The following ADAM28 variants were observed in gnomAD, a reference collection of about 807,000 sequenced individuals.
ADAM28 encodes ADAM metallopeptidase domain 28, also known as disintegrin and metalloproteinase domain-containing protein 28.
Under a neutral mutation model 101.2 loss-of-function variants are expected in ADAM28, and 105 were observed. The ratio of observed to expected loss-of-function variants is 1.04; its 90% confidence interval spans 0.89 to 1.22. ADAM28 has a LOEUF of 1.22. Ranked by LOEUF, ADAM28 falls within the 50% of genes most tolerant of loss-of-function variation. ADAM28 has a pLI of 0.00. For missense variants in ADAM28, 1,028 were observed against 945.4 expected (o/e 1.09, Z -1.15); for synonymous variants, 322 against 310.6 (o/e 1.04, Z -0.39).
chr8:24,303,445 G>A (rs1406446620), intron 2 of ADAM28, among the ~76,000 whole-genome samples: 1 of 151,956 alleles, frequency 6.6e-6, no homozygotes, highest in South Asian at 2.1e-4. Flanking sequence ...AAAGATCAGA[G>A]GATTATAGAT....
chr8:24,330,143 G>A (rs1813181390), intron 11 of ADAM28, 28 bp downstream of exon 11: 1 of 1,605,458 alleles, frequency 6.2e-7, no homozygotes, highest in Non-Finnish European at 8.5e-7. Flanking sequence ...CTGGGGACAT[G>A]CTATGTAGCC....
intron 3 of ADAM28, 76 bp downstream of exon 3, chr8:24,310,046 G>A: frequency 6.8e-7 from 1 of 1,478,316 alleles, no homozygotes; most frequent in South Asian, 1.2e-5. Context: ...GTCTGTTGCT[G>A]CTTATGGCTC....
intron 21 of ADAM28, among the ~76,000 whole-genome samples, chr8:24,352,413 G>C (rs1042749329): frequency 6.6e-5 from 10 of 152,192 alleles, no homozygotes; most frequent in Non-Finnish European, 1.0e-4. Context: ...GGCAGATCCA[G>C]TGTCTGGTGA....
chr8:24,300,638 T>G (rs1438641368), intron 2 of ADAM28, among the ~76,000 whole-genome samples: 2 of 152,062 alleles, frequency 1.3e-5, no homozygotes, highest in Non-Finnish European at 2.9e-5. Flanking sequence ...GGATGTTTTC[T>G]ATCTCCTGAC....
intron 2 of ADAM28, chr8:24,308,768 A>T: frequency 2.2e-6 from 1 of 452,116 alleles, no homozygotes; most frequent in South Asian, 1.6e-5. Context: ...ATTTAAGCAA[A>T]GTATGGACTG....
At chr8:24,296,239 G>T (rs1807948570) in intron 1 of ADAM28, 1 of 152,042 alleles carries the variant, frequency 6.6e-6, no homozygotes, top group Non-Finnish European at 1.5e-5. Context: ...CCTTTATAAG[G>T]TAACTGGAAG....
rs5023740 is a variant in ADAM28, at chr8:24,355,409, T to G, written c.*1005T>G. ...AAGAATATCCTATCTAATCTATCTA[T>G]CTCAGGGATAAATCCCTATCCTTTT... On this transcript the variant is annotated 3_prime_UTR_variant, in exon 23 of 23. Transcript: ENST00000265769. The G allele has an allele frequency of 0.98, 149,420 of 152,098 alleles. 73,421 individuals are homozygous for G. Among genetic ancestry groups the G allele is most frequent in the East Asian group, 1 (5,173 of 5,180 alleles). The allele number at this position is 152,098 out of a possible 1,614,324, so 9.4% of individuals were successfully genotyped here.
chr8:24,325,633 AAAAT>A (rs776049084), intron 9 of ADAM28, among the ~76,000 whole-genome samples: 1 of 151,922 alleles, frequency 6.6e-6, no homozygotes, highest in East Asian at 1.9e-4. Context: ...ATATATTTTC[AAAAT>A]AAATATCTGA....
chr8:24,315,009 A>G (rs1810977270), intron 6 of ADAM28, among the ~76,000 whole-genome samples: 2 of 151,762 alleles, frequency 1.3e-5, no homozygotes, highest in African/African-American at 4.8e-5. Context: ...CCAAATCACA[A>G]AGATAAACAA....
In ADAM28 at chr8:24,325,894, A is replaced by C. The variant is rs1315792220; in HGVS notation, c.891-660A>C. On this transcript the variant is annotated intron_variant, in intron 9 of 22. Transcript: ENST00000265769. ...AGCAAAAAAAAAAAAAAAAAAAAAAAAAAAAACCAAAAAACAAAAACTAAA... is the reference window on the plus strand; with the variant it reads ...AGCAAAAAAAAAAAAAAAAAAAAAACAAAAAACCAAAAAACAAAAACTAAA... Among the ~76,000 whole-genome samples, 126 of 139,622 alleles carry C rather than the reference A, an allele frequency of 9.0e-4. 4 individuals are homozygous for C. Among genetic ancestry groups the C allele is most frequent in the East Asian group, 8.5e-3 (37 of 4,328 alleles). The allele number at this position is 139,622 out of a possible 152,430, so 91.6% of individuals were successfully genotyped here.
chr8:24,330,239 T>A (rs1269259471), intron 11 of ADAM28, 124 bp downstream of exon 11: 3 of 1,196,852 alleles, frequency 2.5e-6, no homozygotes, highest in Non-Finnish European at 3.5e-6. Context: ...TGTGCATTTG[T>A]GCCAAGCCAC....
At chr8:24,317,757 A>G (rs1008256492) in intron 6 of ADAM28, among the ~76,000 whole-genome samples, 34 of 152,106 alleles carry the variant, frequency 2.2e-4, no homozygotes, top group African/African-American at 7.7e-4. Context: ...AAAGGGGGTG[A>G]GGGTGAGTGT....
Position 24,329,974 on chromosome 8 carries a change from C to T in ADAM28, c.973-11C>T, listed in dbSNP as rs1478902065. ...AAATCAGAGAATCTTTTTCTTCTTT[C>T]ATACCTTTAGGACCACAGCGATAAT... On this transcript the variant is annotated splice_polypyrimidine_tract_variant and intron_variant, in intron 10 of 22. Transcript: ENST00000265769. The T allele has an allele frequency of 1.3e-6, 2 of 1,594,972 alleles. No individual in the cohort carries two copies. Among genetic ancestry groups the T allele is most frequent in the African/African-American group, 2.7e-5 (2 of 73,770 alleles).
At chr8:24,346,157 C>T (rs1815375950) in intron 18 of ADAM28, among the ~76,000 whole-genome samples, 2 of 152,030 alleles carry the variant, frequency 1.3e-5, no homozygotes, top group African/African-American at 4.8e-5. Context: ...GAAAAAATTA[C>T]ATTTTTATTT....
At chr8:24,309,821 C>A in intron 2 of ADAM28, 73 bp from the exon 3 acceptor site, 1 of 1,149,708 alleles carries the variant, frequency 8.7e-7, no homozygotes, top group Non-Finnish European at 1.3e-6. Flanking sequence ...TTGCTAATGA[C>A]TACACAGATA....
Position 24,299,988 on chromosome 8 carries a change from G to T in ADAM28, c.61G>T (p.Glu21Ter), listed in dbSNP as rs143371817. 134 of 1,611,924 alleles carry T rather than the reference G, an allele frequency of 8.3e-5. 2 individuals are homozygous for T. The South Asian group carries it at 1.4e-3, about 16-fold the overall frequency. Residue 21 changes from glutamate to a stop codon, truncating the protein, a stop_gained, in exon 2 of 23, where the codon GAA becomes TAA. Coordinates refer to ENST00000265769, the MANE Select transcript of ADAM28 (RefSeq NM_014265.6). LOFTEE classifies it high-confidence loss of function. Reference sequence around the variant, plus strand: ...TTTTTTCTCAGTAAGTGCTATAAAAGAACTCCCTGGGGTGAAGAAGTATGA... The same window carrying T: ...TTTTTTCTCAGTAAGTGCTATAAAATAACTCCCTGGGGTGAAGAAGTATGA... ...LLSVAVSAIKELPGVKKYEVV... is the reference protein window; with the variant it reads ...LLSVAVSAIK
chr8:24,327,430 G>A (rs1812771358), intron 10 of ADAM28, among the ~76,000 whole-genome samples: 1 of 152,094 alleles, frequency 6.6e-6, no homozygotes, highest in Non-Finnish European at 1.5e-5. Flanking sequence ...CTCATGGATA[G>A]GAAGAATCAA....
In ADAM28 at chr8:24,313,458, G is replaced by C. The variant is rs953893215; in HGVS notation, c.454G>C (p.Glu152Gln). The C allele has an allele frequency of 1.2e-6, 2 of 1,613,862 alleles. No homozygotes were observed. The highest frequency in any genetic ancestry group is 3.3e-5 in the Admixed American group (2 of 59,960). ...AAGCCCCATACATCGGGATGGACAG[G>C]AGCATGCACTCTTCAAGTATAACCC... ...PLSPIHRDGQ[E>Q]HALFKYNPDE... The change falls in exon 6 of 23, where the codon GAG (glutamate) becomes CAG (glutamine). Residue 152 changes from glutamate (E) to glutamine (Q), a missense_variant. Coordinates refer to ENST00000265769, the MANE Select transcript of ADAM28 (RefSeq NM_014265.6).
At chr8:24,334,571 A>G (rs1216146004) in intron 13 of ADAM28, among the ~76,000 whole-genome samples, 1 of 152,214 alleles carries the variant, frequency 6.6e-6, no homozygotes, top group East Asian at 1.9e-4. Flanking sequence ...GCAAAGACAT[A>G]AGAGAAGATA....
Sources: allele counts gnomAD v4.1 joint callset (sites outside exome capture counted in the v4.1 genomes callset), GRCh38; gene constraint gnomAD v4.1.1; transcripts MANE v1.5; gene names NCBI Gene and HGNC (gene_info 2026-07-23, HGNC 2026-07-21).